DLG2: variants seen among roughly 807,000 people sequenced by gnomAD.
DLG2 encodes the protein disks large homolog 2.
A neutral mutation model predicts 132.5 loss-of-function variants in DLG2; 45 were observed. The observed-to-expected ratio is 0.34, with a 90% CI of 0.27 to 0.44. DLG2 has a LOEUF of 0.44. Ranked by LOEUF, DLG2 falls within the 20% of genes least tolerant of loss-of-function variation. The pLI, the probability that DLG2 is intolerant of heterozygous loss-of-function variation, is 1.00. For missense variants in DLG2, 1,045 were observed against 1,196.9 expected (o/e 0.87, Z 1.87); for synonymous variants, 424 against 419.6 (o/e 1.01, Z -0.13).
chr11:85,226,627 A>C (rs2152628997), intron 4 of DLG2, among the ~76,000 whole-genome samples: 1 of 152,322 alleles, frequency 6.6e-6, no homozygotes, highest in Middle Eastern at 3.4e-3. Context: ...AAAATGTGGA[A>C]AATGGGGTAG....
intron 9 of DLG2, among the ~76,000 whole-genome samples, chr11:84,131,994 CAAAT>C (rs1016468499): frequency 2.0e-5 from 3 of 151,612 alleles, no homozygotes; most frequent in African/African-American, 7.3e-5. Context: ...CGTACACACA[CAAAT>C]AAACAAAAGC....
At chr11:84,309,883 C>T (rs750219071) in intron 7 of DLG2, among the ~76,000 whole-genome samples, 9 of 152,080 alleles carry the variant, frequency 5.9e-5, no homozygotes, top group Non-Finnish European at 1.2e-4. Context: ...TAGGTGGTTC[C>T]CAAATACCAC....
At chr11:84,406,757 A>G (rs1407668609) in intron 7 of DLG2, among the ~76,000 whole-genome samples, 1 of 152,086 alleles carries the variant, frequency 6.6e-6, no homozygotes, top group East Asian at 1.9e-4. Flanking sequence ...TCTCTGCCAC[A>G]TTTATTCCGT....
At chr11:84,895,039 A>G (rs2089999547) in intron 6 of DLG2, among the ~76,000 whole-genome samples, 1 of 152,178 alleles carries the variant, frequency 6.6e-6, no homozygotes, top group Non-Finnish European at 1.5e-5. Context: ...ATGACATTGG[A>G]TAAGCCACTT....
intron 8 of DLG2, among the ~76,000 whole-genome samples, chr11:84,189,183 A>G (rs1399033095): frequency 6.6e-6 from 1 of 152,014 alleles, no homozygotes; most frequent in Non-Finnish European, 1.5e-5. Flanking sequence ...TTAAGTCAGA[A>G]GTCAACAAGA....
intron 8 of DLG2, among the ~76,000 whole-genome samples, chr11:84,198,810 T>A (rs1022064378): frequency 1.3e-5 from 2 of 152,202 alleles, no homozygotes; most frequent in Non-Finnish European, 2.9e-5. Flanking sequence ...TTTGCACTCA[T>A]GGTAACACCA....
At chr11:84,583,550 A>T (rs1397545647) in intron 6 of DLG2, among the ~76,000 whole-genome samples, 1 of 152,240 alleles carries the variant, frequency 6.6e-6, no homozygotes, top group Non-Finnish European at 1.5e-5. Context: ...TGATGTATGC[A>T]AAAGAATACA....
At chr11:84,457,609 T>C (rs2099068797) in intron 7 of DLG2, among the ~76,000 whole-genome samples, 1 of 151,008 alleles carries the variant, frequency 6.6e-6, no homozygotes, top group Non-Finnish European at 1.5e-5. Context: ...AAGACTCATA[T>C]TTCTCTTATT....
intron 16 of DLG2, among the ~76,000 whole-genome samples, chr11:83,870,970 C>T (rs916685751): frequency 3.9e-5 from 6 of 152,096 alleles, no homozygotes; most frequent in African/African-American, 1.4e-4. Flanking sequence ...GTTGTACAAC[C>T]CTGTTTCCAT....
chr11:83,950,279 C>A (rs1204312004), intron 14 of DLG2, among the ~76,000 whole-genome samples: 1 of 152,128 alleles, frequency 6.6e-6, no homozygotes, highest in Non-Finnish European at 1.5e-5. Flanking sequence ...GATGTTCTGG[C>A]CCTGAATATT....
intron 16 of DLG2, among the ~76,000 whole-genome samples, chr11:83,834,784 A>G (rs1272177947): frequency 6.6e-6 from 1 of 152,200 alleles, no homozygotes; most frequent in Non-Finnish European, 1.5e-5. Context: ...TAGAATGTAA[A>G]AAGTCTTAAA....
chr11:83,711,939 C>T (rs1050237056), intron 18 of DLG2, among the ~76,000 whole-genome samples: 3 of 152,130 alleles, frequency 2.0e-5, no homozygotes, highest in Admixed American at 2.0e-4. Flanking sequence ...CAACGAGATA[C>T]TATCTCATGC....
intron 7 of DLG2, among the ~76,000 whole-genome samples, chr11:84,303,260 A>G (rs976033901): frequency 2.0e-5 from 3 of 152,236 alleles, no homozygotes; most frequent in Non-Finnish European, 2.9e-5. Context: ...CTTTAGAGCT[A>G]GTATATAAAC....
chr11:84,817,240 C>T (rs2077177420), intron 6 of DLG2, among the ~76,000 whole-genome samples: 1 of 151,944 alleles, frequency 6.6e-6, no homozygotes, highest in African/African-American at 2.4e-5. Context: ...TGGCTCAAAG[C>T]AAGTTACTTT....
At chr11:84,109,089 A>T (rs1476742398) in intron 9 of DLG2, among the ~76,000 whole-genome samples, 1 of 152,030 alleles carries the variant, frequency 6.6e-6, no homozygotes, top group Non-Finnish European at 1.5e-5. Context: ...GTTAATGGAG[A>T]GAAAGAAAAA....
chr11:83,531,533 C>T (rs1443993039), intron 21 of DLG2, among the ~76,000 whole-genome samples: 1 of 151,972 alleles, frequency 6.6e-6, no homozygotes, highest in Non-Finnish European at 1.5e-5. Flanking sequence ...TTGGGACCCT[C>T]ATGCATTGTT....
At position 85,345,266 on chromosome 11, in the gene DLG2, T is replaced by C. The variant is rs547192947; in HGVS notation, c.41-59901A>G. Among the ~76,000 whole-genome samples the C allele has an allele frequency of 2.0e-5, 3 of 152,272 alleles. No individual in the cohort carries two copies. In the South Asian group the frequency reaches 6.2e-4, roughly 32 times the overall value. ...TATTTACAGTAATCAATAGCTTTTG[T>C]GGAAGTATGGCATGTCTTGGTGCTC... On this transcript the variant is annotated intron_variant, in intron 3 of 27. Transcript: ENST00000376104.
chr11:84,607,729 A>C (rs1424321230), intron 6 of DLG2, among the ~76,000 whole-genome samples: 1 of 151,808 alleles, frequency 6.6e-6, no homozygotes. Flanking sequence ...GGTTATTCTC[A>C]TTTATCTAGT....
intron 11 of DLG2, among the ~76,000 whole-genome samples, chr11:83,994,920 C>T (rs980972538): frequency 4.0e-5 from 6 of 151,880 alleles, no homozygotes; most frequent in Admixed American, 1.3e-4. Context: ...TGCATCATCC[C>T]GATCTCAGTC....
Sources: gnomAD v4.1 joint callset for allele counts (sites outside exome capture counted in the v4.1 genomes callset) on GRCh38, gnomAD v4.1.1 for gene constraint, MANE v1.5 for transcripts, NCBI Gene and HGNC (gene_info 2026-07-23, HGNC 2026-07-21) for gene names.